CHD7: variants seen among roughly 807,000 people sequenced by gnomAD.
CHD7 encodes the protein ATP-dependent chromatin remodeler CHD7.
A neutral mutation model predicts 307.3 loss-of-function variants in CHD7; 24 were observed. The ratio of observed to expected loss-of-function variants is 0.08; its 90% CI spans 0.06 to 0.11. CHD7 has a LOEUF of 0.11. CHD7 is among the 10% of genes least tolerant of loss of function. The probability of loss-of-function intolerance (pLI) is 1.00; values close to 1 mark genes in which losing one functional copy is unlikely to be tolerated. For missense variants in CHD7, 3,106 were observed against 3,727.1 expected (o/e 0.83, Z 4.34); for synonymous variants, 1,363 against 1,349.9 (o/e 1.01, Z -0.21).
intron 4 of CHD7, among the ~76,000 whole-genome samples, chr8:60,797,994 T>C (rs946381674): frequency 6.6e-6 from 1 of 152,248 alleles, no homozygotes; most frequent in African/African-American, 2.4e-5. Flanking sequence ...AATTCCCTTA[T>C]GCGATCTTCA....
intron 37 of CHD7, 128 bp downstream of exon 37, chr8:60,862,780 T>G: frequency 1.6e-6 from 1 of 608,854 alleles, no homozygotes; most frequent in Non-Finnish European, 2.8e-6. Context: ...ACATAATACA[T>G]CATTTTCATA....
At position 60,819,802 on chromosome 8, in the gene CHD7, C is replaced by A. The variant is rs563485532; in HGVS notation, c.2614-205C>A. 6.3e-4 allele frequency among the ~76,000 whole-genome samples: 96 copies of A among 152,232 alleles called. 1 individual carries two copies. The South Asian group carries it at 0.019, about 31-fold the overall frequency. On this transcript the variant is annotated intron_variant, in intron 8 of 37. Coordinates refer to ENST00000423902, the MANE Select transcript of CHD7 (RefSeq NM_017780.4). The stretch of plus-strand genomic sequence containing the variant: ...AGGTTTCACACGGTAATTAAAAGAC[C>A]CAGTTAACGAAGTCTGAGAAGTCTG...
At chr8:60,727,474 GA>G (rs1181692930) in intron 1 of CHD7, among the ~76,000 whole-genome samples, 1 of 152,168 alleles carries the variant, frequency 6.6e-6, no homozygotes, top group Non-Finnish European at 1.5e-5. Flanking sequence ...TTAGTCTTAA[GA>G]GAGTTAATAT....
intron 2 of CHD7, among the ~76,000 whole-genome samples, chr8:60,753,916 C>T (rs538638368): frequency 9.2e-5 from 14 of 152,190 alleles, no homozygotes; most frequent in African/African-American, 2.2e-4. Context: ...TGAGCCACCG[C>T]GCCCTGCTGC....
chr8:60,803,107 G>A (rs1457502400), intron 6 of CHD7, among the ~76,000 whole-genome samples: 1 of 152,140 alleles, frequency 6.6e-6, no homozygotes, highest in Non-Finnish European at 1.5e-5. Context: ...TTGCATTTTT[G>A]TCCTACTAAT....
At chr8:60,808,298 A>G in intron 7 of CHD7, 26 bp downstream of exon 7, 2 of 1,315,060 alleles carry the variant, frequency 1.5e-6, no homozygotes, top group South Asian at 2.5e-5. Flanking sequence ...TTCTGTTTTT[A>G]ATGGGGGGCT....
intron 1 of CHD7, among the ~76,000 whole-genome samples, chr8:60,697,613 T>C (rs1806548267): frequency 2.6e-5 from 4 of 152,228 alleles, no homozygotes; most frequent in Non-Finnish European, 5.9e-5. Context: ...GTAAGATGTA[T>C]TCTATTTCTG....
Position 60,800,462 on chromosome 8 carries a change from G to C in CHD7, c.2313G>C (p.Glu771Asp), listed in dbSNP as rs1200586392. ...TGGAGTTCAAGATTTCTGATGAGGA[G>C]GCAGATGATGCAGATGCTGCTGGGA... Reference protein sequence around the residue: ...EDLEFKISDEEADDADAAGRD... With the variant: ...EDLEFKISDEDADDADAAGRD... Residue 771 changes from glutamate (E) to aspartate (D), a missense_variant, in exon 5 of 38, where the codon GAG (glutamate) becomes GAC (aspartate). Physicochemically the swap from Glu to Asp is conservative, Grantham distance 45. This residue lies in a region of CHD7 where 998 missense variants were observed against 1,004.5 expected (regional missense o/e 0.99). Transcript: ENST00000423902. 2 of 1,613,928 alleles carry C rather than the reference G, an allele frequency of 1.2e-6. No homozygotes were observed. Among genetic ancestry groups the C allele is most frequent in the Non-Finnish European group, 1.7e-6 (2 of 1,179,850 alleles).
intron 1 of CHD7, among the ~76,000 whole-genome samples, chr8:60,728,730 G>A (rs1286665326): frequency 6.6e-6 from 1 of 152,150 alleles, no homozygotes; most frequent in African/African-American, 2.4e-5. Context: ...TATATTTACA[G>A]GTTGACCTTT....
At chr8:60,805,848 ATTTGAAGG>A (rs1586359556) in intron 6 of CHD7, among the ~76,000 whole-genome samples, 1 of 152,162 alleles carries the variant, frequency 6.6e-6, no homozygotes, top group East Asian at 1.9e-4. Flanking sequence ...CATTTGATAC[ATTTGAAGG>A]CATTGAAAAT....
intron 19 of CHD7, among the ~76,000 whole-genome samples, chr8:60,840,698 A>G (rs1482198268): frequency 6.7e-6 from 1 of 148,700 alleles, no homozygotes; most frequent in Non-Finnish European, 1.5e-5. Context: ...GCTCACTGCA[A>G]CCTCCACCTC....
At chr8:60,808,121 A>C in intron 6 of CHD7, 96 bp from the exon 7 acceptor site, 1 of 840,596 alleles carries the variant, frequency 1.2e-6, no homozygotes, top group Non-Finnish European at 1.9e-6. Flanking sequence ...TGCTCTTTTC[A>C]GTCCTATTTT....
intron 23 of CHD7, among the ~76,000 whole-genome samples, chr8:60,845,798 C>T (rs926226206): frequency 2.6e-5 from 4 of 152,214 alleles, no homozygotes; most frequent in Admixed American, 2.6e-4. Context: ...ATTAATTACA[C>T]TCACAATGCT....
chr8:60,767,806 G>A (rs1339746445), intron 2 of CHD7, among the ~76,000 whole-genome samples: 1 of 152,180 alleles, frequency 6.6e-6, no homozygotes, highest in Non-Finnish European at 1.5e-5. Flanking sequence ...TAGGACTTCA[G>A]AGGTTCACAA....
intron 7 of CHD7, among the ~76,000 whole-genome samples, chr8:60,813,352 G>A (rs1003802559): frequency 2.0e-5 from 3 of 152,166 alleles, no homozygotes; most frequent in Admixed American, 6.5e-5. Context: ...TGCAAACAGA[G>A]ATAGCTTTAC....
intron 23 of CHD7, 67 bp from the exon 24 acceptor site, chr8:60,848,448 C>A: frequency 8.8e-7 from 1 of 1,134,398 alleles, no homozygotes; most frequent in Non-Finnish European, 1.3e-6. Flanking sequence ...CAGCAGCTGC[C>A]AAAAGCCACT....
chr8:60,739,167 G>A (rs76677164), intron 1 of CHD7, among the ~76,000 whole-genome samples: 177 of 152,262 alleles, frequency 1.2e-3, no homozygotes, highest in African/African-American at 4.0e-3. Context: ...GAGCCCCATC[G>A]AGTCAGTAGC....
intron 2 of CHD7, among the ~76,000 whole-genome samples, chr8:60,769,132 G>A (rs901496965): frequency 2.6e-5 from 4 of 152,266 alleles, no homozygotes; most frequent in Admixed American, 2.0e-4. Flanking sequence ...TTTTCAAAGC[G>A]TTCAGGTATT....
chr8:60,703,054 G>A (rs1445730700), intron 1 of CHD7, among the ~76,000 whole-genome samples: 1 of 152,236 alleles, frequency 6.6e-6, no homozygotes, highest in African/African-American at 2.4e-5. Context: ...TGGCCAGGCA[G>A]TGTAGAAGGG....
Sources: allele counts gnomAD v4.1 joint callset (sites outside exome capture counted in the v4.1 genomes callset), GRCh38; gene constraint gnomAD v4.1.1; regional missense constraint gnomAD v4.1.1; transcripts MANE v1.5; gene names NCBI Gene and HGNC (gene_info 2026-07-23, HGNC 2026-07-21).